The following FCMR variants were observed in gnomAD, a reference collection of about 807,000 sequenced individuals.
The protein encoded by FCMR is immunoglobulin mu Fc receptor.
In FCMR, 34 loss-of-function variants were observed where a neutral mutation model predicts 41.6. The ratio of observed to expected loss-of-function variants is 0.82; its 90% CI spans 0.62 to 1.09. FCMR has a LOEUF of 1.09. FCMR is among the 50% of genes least tolerant of loss of function. FCMR has a pLI of 0.00. For synonymous variants in FCMR, 209 were observed against 211.8 expected (o/e 0.99, Z 0.12); for missense variants, 496 against 512.5 (o/e 0.97, Z 0.31).
rs557748942 is a variant in FCMR at position 206,904,346 on chromosome 1, T to A, written c.*673A>T. ...GGAGATGCTGAGGTCAGGGCACTTA[T>A]GTGCATCAAGTGATGGAGACAGAGT... On this transcript the variant is annotated 3_prime_UTR_variant, in exon 8 of 8. Coordinates refer to ENST00000367091, the MANE Select transcript of FCMR (RefSeq NM_005449.5). 6.6e-6 allele frequency: 1 copy of A among 151,968 alleles called. No homozygotes were observed. Among genetic ancestry groups the A allele is most frequent in the East Asian group, 1.9e-4 (1 of 5,308 alleles). The allele number at this position is 151,968 out of a possible 1,614,324, so 9.4% of individuals were successfully genotyped here.
chr1:206,920,235 A>T (rs994159927), intron 1 of FCMR, among the ~76,000 whole-genome samples: 1 of 152,110 alleles, frequency 6.6e-6, no homozygotes, highest in Admixed American at 6.6e-5. Flanking sequence ...CGGGTGGATC[A>T]TCTGAGGTCA....
In FCMR at chr1:206,910,273, G is replaced by T. The variant is rs866697158; in HGVS notation, c.778C>A (p.Leu260Met). Residue 260 changes from leucine (L) to methionine (M), a missense_variant, in exon 5 of 8, where the codon CTG becomes ATG. Leu to Met is a conservative substitution (Grantham distance 15). Transcript: ENST00000367091. ...AGAAGTGCCAGCAGGAAAAGGCCCAGGATGGTCGGGATCAGGATGTGAAAT... is the reference window on the plus strand; with the variant it reads ...AGAAGTGCCAGCAGGAAAAGGCCCATGATGGTCGGGATCAGGATGTGAAAT... ...QGFHILIPTILGLFLLALLGL... is the reference protein window; with the variant it reads ...QGFHILIPTIMGLFLLALLGL... The T allele has an allele frequency of 6.3e-7, 1 of 1,580,164 alleles. No individual in the cohort carries two copies.
At chr1:206,913,431 C>T (rs554162769) in intron 2 of FCMR, among the ~76,000 whole-genome samples, 2 of 152,268 alleles carry the variant, frequency 1.3e-5, no homozygotes, top group East Asian at 3.9e-4. Context: ...GGGACAATTA[C>T]GTTGGATAGT....
At chr1:206,910,465 T>C (rs1325133904) in intron 4 of FCMR, 125 bp from the exon 5 acceptor site, 1 of 645,756 alleles carries the variant, frequency 1.5e-6, no homozygotes, top group African/African-American at 1.9e-5. Context: ...GTTAACAGAA[T>C]TCACTCCACT....
Position 206,910,240 on chromosome 1 carries a change from C to A in FCMR, c.811G>T (p.Val271Leu). ...CTCCTTTCAACGGCCCTTTTCACCA[C>A]CAGCCCCAGAAGTGCCAGCAGGAAA... ...GLFLLALLGL[V>L]VKRAVERRKA... Residue 271 changes from valine to leucine, a missense_variant, in exon 5 of 8, where the codon GTG becomes TTG. Coordinates refer to ENST00000367091, the MANE Select transcript of FCMR (RefSeq NM_005449.5). 6.2e-7 allele frequency: 1 copy of A among 1,601,878 alleles called. No homozygotes were observed. Among genetic ancestry groups the A allele is most frequent in the Non-Finnish European group, 8.5e-7 (1 of 1,175,062 alleles).
Position 206,903,553 on chromosome 1 carries a change from C to T in FCMR, c.*1466G>A, listed in dbSNP as rs1251613032. 6.2e-6 allele frequency: 1 copy of T among 161,280 alleles called. No individual in the cohort carries two copies. Among genetic ancestry groups the T allele is most frequent in the Admixed American group, 5.9e-5 (1 of 17,050 alleles). The allele number at this position is 161,280 out of a possible 1,614,324, so 10.0% of individuals were successfully genotyped here. A position where few individuals can be genotyped will look rare whatever the true frequency, so the allele number is the denominator to read the frequency against. On this transcript the variant is annotated 3_prime_UTR_variant, in exon 8 of 8. Transcript: ENST00000367091. The stretch of plus-strand genomic sequence containing the variant: ...CTTCAGAGCATGAAAATCACACTGT[C>T]TTCTGATATCTGCAGGGACAGAGCA...
At chr1:206,915,837 T>G (rs559328040) in intron 1 of FCMR, among the ~76,000 whole-genome samples, 43 of 152,246 alleles carry the variant, frequency 2.8e-4, no homozygotes, top group African/African-American at 1.0e-3. Flanking sequence ...GGGCACACTT[T>G]AAGAAGAGCA....
chr1:206,905,145 C>A lies in FCMR; in HGVS notation c.1047G>T (p.Val349=). ...GAPLPPAPLQ[V]SESPWLHAPS... ...GGGCATGGAGCCAGGGAGATTCAGA[C>A]ACCTGGGGACAATGAAAGAAGCATC... is the stretch of plus-strand genomic sequence containing the variant. The change falls in exon 8 of 8, where the codon GTG becomes GTT. Residue 349 remains valine, a splice_region_variant and synonymous_variant. Transcript: ENST00000367091. 1 of 1,614,038 alleles carries A rather than the reference C, an allele frequency of 6.2e-7. No individual in the cohort carries two copies. Among genetic ancestry groups the A allele is most frequent in the South Asian group, 1.1e-5 (1 of 91,082 alleles).
Position 206,905,565 on chromosome 1 carries a change from G to A in FCMR, c.1045-418C>T, listed in dbSNP as rs951572009. On this transcript the variant is annotated intron_variant, in intron 7 of 7. Coordinates refer to ENST00000367091, the MANE Select transcript of FCMR (RefSeq NM_005449.5). ...GGGCTCAGAGATGCTGTGATGTGGCGTCGTGACAGTGCATTCCAGGAAGGG... is the reference window on the plus strand; with the variant it reads ...GGGCTCAGAGATGCTGTGATGTGGCATCGTGACAGTGCATTCCAGGAAGGG... Among the ~76,000 whole-genome samples, 17 of 152,282 alleles carry A rather than the reference G, an allele frequency of 1.1e-4. No homozygotes were observed. The East Asian group carries it at 2.1e-3, about 19-fold the overall frequency.
At chr1:206,906,311 T>C (rs1398864880) in intron 7 of FCMR, 1 of 236,694 alleles carries the variant, frequency 4.2e-6, no homozygotes, top group Non-Finnish European at 8.6e-6. Context: ...CTGAGCTTCC[T>C]TTAGAGGCCA....
intron 4 of FCMR, 110 bp downstream of exon 4, chr1:206,911,620 G>A (rs1369232258): frequency 1.7e-5 from 17 of 980,804 alleles, no homozygotes; most frequent in Non-Finnish European, 2.2e-5. Context: ...ATATTTCACA[G>A]TGGCCTAGAG....
chr1:206,908,160 CGAGAAGAACGTG>C, intron 7 of FCMR: 2 of 1,441,944 alleles, frequency 1.4e-6, no homozygotes, highest in Non-Finnish European at 1.9e-6. Flanking sequence ...GGAAACGGGC[CGAGAAGAACGTG>C]GAGAAGAAAA....
intron 1 of FCMR, among the ~76,000 whole-genome samples, chr1:206,918,650 A>AGAGTGT (rs1553238235): frequency 6.9e-6 from 1 of 145,880 alleles, no homozygotes; most frequent in East Asian, 2.0e-4. Context: ...ATAAATTTTA[A>AGAGTGT]GTGTGTGTGT....
chr1:206,911,741 C>T lies in FCMR; in HGVS notation c.699G>A (p.Leu233=). The part of the protein sequence containing the change: ...QTPSYNHHTR[L]HRQRALDYGS... ...CAGTGGTCTCTTACCTCTGCCTGTG[C>T]AGCCTGGTGTGGTGGTTGTAGCTGG... Residue 233 remains leucine (L), a synonymous_variant, in exon 4 of 8, where the codon CTG becomes CTA. Coordinates refer to ENST00000367091, the MANE Select transcript of FCMR (RefSeq NM_005449.5). The T allele has an allele frequency of 6.2e-7, 1 of 1,610,856 alleles. No individual in the cohort carries two copies. Among genetic ancestry groups the T allele is most frequent in the Non-Finnish European group, 8.5e-7 (1 of 1,179,216 alleles).
intron 2 of FCMR, 126 bp from the exon 3 acceptor site, chr1:206,913,168 G>T: frequency 2.7e-6 from 2 of 738,370 alleles, no homozygotes; most frequent in Non-Finnish European, 2.4e-6. Context: ...ACTGAAAGAA[G>T]CAGAGAAGGA....
Position 206,909,524 on chromosome 1 carries a change from G to A in FCMR, c.986-4C>T, listed in dbSNP as rs1234884791. On this transcript the variant is annotated splice_region_variant and splice_polypyrimidine_tract_variant and intron_variant, in intron 6 of 7. Coordinates refer to ENST00000367091, the MANE Select transcript of FCMR (RefSeq NM_005449.5). This position sits in a 1 kb window ranked among gnomAD's most constrained non-coding sequence, Gnocchi z 5.0. Reference sequence around the variant, plus strand: ...GGAACGGGGGCCTCCCCTGTGCCTAGGGAACAGCGAGGGCGAGGTGAGGCG... The same window carrying A: ...GGAACGGGGGCCTCCCCTGTGCCTAAGGAACAGCGAGGGCGAGGTGAGGCG... 8.3e-6 allele frequency: 11 copies of A among 1,325,542 alleles called. No individual in the cohort carries two copies. 82.1% of individuals were successfully genotyped at this position (1,325,542 alleles called of 1,614,324 possible).
intron 1 of FCMR, among the ~76,000 whole-genome samples, chr1:206,918,685 GTC>G (rs1491032543): frequency 6.7e-6 from 1 of 149,986 alleles, no homozygotes; most frequent in Non-Finnish European, 1.5e-5. Flanking sequence ...GTGTGTGTGT[GTC>G]TGTGCATGCT....
At chr1:206,922,045 G>T, upstream of FCMR, 1 of 614,032 alleles carries the variant, frequency 1.6e-6, no homozygotes, top group Non-Finnish European at 2.9e-6. Context: ...AAAAGAGAGT[G>T]CTGACAAACC....
rs1469349379 is a variant in FCMR, at chr1:206,910,341, C to T, written c.711-1G>A. On this transcript the variant is annotated splice_acceptor_variant, in intron 4 of 7. Coordinates refer to ENST00000367091, the MANE Select transcript of FCMR (RefSeq NM_005449.5). LOFTEE classifies it high-confidence loss of function. ...AGACTGTGAGCCATAGTCCAGTGCT[C>T]TGGGGAGGGAAGGAAAGGGAGAGAG... is the stretch of plus-strand genomic sequence containing the variant. 10 of 1,546,202 alleles carry T rather than the reference C, an allele frequency of 6.5e-6. No individual in the cohort carries two copies. The highest frequency in any genetic ancestry group is 8.7e-6 in the Non-Finnish European group (10 of 1,145,900).
Sources: allele counts gnomAD v4.1 joint callset (sites outside exome capture counted in the v4.1 genomes callset), GRCh38; gene constraint gnomAD v4.1.1; non-coding constraint Gnocchi (gnomAD v3.1); transcripts MANE v1.5; gene names NCBI Gene and HGNC (gene_info 2026-07-23, HGNC 2026-07-21).